The following CNGB1 variants were observed in gnomAD, a reference collection of about 807,000 sequenced individuals.
CNGB1 encodes the protein cyclic nucleotide-gated channel beta-1.
CNGB1 carries 126 observed loss-of-function variants against 151.7 expected under a neutral mutation model. The observed-to-expected ratio is 0.83, with a 90% CI of 0.72 to 0.96. The LOEUF (loss-of-function observed/expected upper bound fraction) is 0.96, where lower values mean the gene tolerates loss of function less well. Ranked by LOEUF, CNGB1 falls within the 40% of genes least tolerant of loss-of-function variation. CNGB1 has a pLI of 0.00. For missense variants in CNGB1, 1,698 were observed against 1,627.0 expected, an observed-to-expected ratio of 1.04 and a Z score of -0.75; for synonymous variants, 623 against 635.1, an observed-to-expected ratio of 0.98 and a Z score of 0.29.
chr16:57,928,922 AGC>A (rs1226941284), intron 17 of CNGB1, among the ~76,000 whole-genome samples: 1 of 152,218 alleles, frequency 6.6e-6, no homozygotes. Context: ...TACAGGCATG[AGC>A]CACTATGCCC....
intron 31 of CNGB1, among the ~76,000 whole-genome samples, chr16:57,888,449 C>CTCTCTG (rs1355318429): frequency 4.7e-5 from 7 of 149,724 alleles, no homozygotes; most frequent in African/African-American, 5.0e-5. Flanking sequence ...CTTCCTCTCT[C>CTCTCTG]TCTCTGTCTC....
chr16:57,901,771 C>G lies in CNGB1; in HGVS notation c.2795-146G>C, dbSNP rs1459586740. ...ACTCTGGATTTGTAGTGCACCCTCT[C>G]TCACCTCCAGGCATTTGCCAATACC... On this transcript the variant is annotated intron_variant, in intron 27 of 32. Transcript: ENST00000251102. 1.5e-5 allele frequency: 11 copies of G among 716,334 alleles called. No homozygotes were observed. In the African/African-American group the frequency reaches 1.6e-4, roughly 10 times the overall value. 44.4% of individuals were successfully genotyped at this position (716,334 alleles called of 1,614,324 possible).
chr16:57,889,304 C>T (rs774897221), intron 31 of CNGB1, among the ~76,000 whole-genome samples: 4 of 152,186 alleles, frequency 2.6e-5, no homozygotes, highest in Non-Finnish European at 5.9e-5. Flanking sequence ...TGCCTGGCCT[C>T]CCTTGATGAC....
At chr16:57,908,893 C>A (rs1302666635) in intron 25 of CNGB1, among the ~76,000 whole-genome samples, 1 of 152,244 alleles carries the variant, frequency 6.6e-6, no homozygotes, top group African/African-American at 2.4e-5. Flanking sequence ...TGCACTCTTC[C>A]ATCAGCACGA....
intron 7 of CNGB1, 89 bp downstream of exon 7, chr16:57,962,476 G>T: frequency 8.6e-7 from 1 of 1,165,636 alleles, no homozygotes; most frequent in East Asian, 2.3e-5. Flanking sequence ...ACACCCTGAG[G>T]TGGTAACAGA....
Position 57,897,853 on chromosome 16 carries a change from G to C in CNGB1, c.3038C>G (p.Pro1013Arg). The C allele has an allele frequency of 1.2e-6, 2 of 1,614,202 alleles. No individual in the cohort carries two copies. Among genetic ancestry groups the C allele is most frequent in the Non-Finnish European group, 1.7e-6 (2 of 1,180,038 alleles). The change falls in exon 30 of 33, where the codon CCT (proline) becomes CGT (arginine). Residue 1013 changes from proline (P) to arginine (R), a missense_variant. Pro to Arg is a moderately radical substitution (Grantham distance 103). Coordinates refer to ENST00000251102, the MANE Select transcript of CNGB1 (RefSeq NM_001297.5). ...QAGQVQVLGG[P>R]DGKSVLVTLK... The stretch of plus-strand genomic sequence containing the variant: ...CGTCACCAGCACAGATTTCCCATCA[G>C]GGCCGCCCAAGACCTGCACTTGCCC...
intron 1 of CNGB1, among the ~76,000 whole-genome samples, chr16:57,968,884 A>T (rs1962464791): frequency 6.9e-6 from 1 of 144,594 alleles, no homozygotes; most frequent in Non-Finnish European, 1.5e-5. Context: ...AAAAAAAAAA[A>T]GCCTGTTATG....
chr16:57,921,744 G>C (rs1203196692), intron 18 of CNGB1, among the ~76,000 whole-genome samples: 2 of 152,198 alleles, frequency 1.3e-5, no homozygotes, highest in Non-Finnish European at 2.9e-5. Flanking sequence ...CTTTCTAGTG[G>C]TGACCAGTGG....
At chr16:57,923,831 C>T (rs1428486929) in intron 17 of CNGB1, among the ~76,000 whole-genome samples, 1 of 152,190 alleles carries the variant, frequency 6.6e-6, no homozygotes, top group Non-Finnish European at 1.5e-5. Context: ...CCCCTCTACT[C>T]TCTATCACAC....
In CNGB1 at chr16:57,962,572, C is replaced by G. The variant is rs761126116; in HGVS notation, c.451G>C (p.Asp151His). ...TCAGGGATAGGGACTCACCTAGTGT[C>G]TTGGGCCTCAAGGGCCTCATTGGGT... ...DEPNEALEAQDTRPGLRLLLW... is the reference protein window; with the variant it reads ...DEPNEALEAQHTRPGLRLLLW... The change falls in exon 7 of 33, where the codon GAC becomes CAC. Residue 151 changes from aspartate (D) to histidine (H), a missense_variant. Coordinates refer to ENST00000251102, the MANE Select transcript of CNGB1 (RefSeq NM_001297.5). The G allele has an allele frequency of 2.5e-6, 4 of 1,613,862 alleles. No homozygotes were observed. The highest frequency in any genetic ancestry group is 1.3e-5 in the African/African-American group (1 of 74,916).
chr16:57,923,983 A>G (rs1961118444), intron 17 of CNGB1, among the ~76,000 whole-genome samples: 1 of 152,172 alleles, frequency 6.6e-6, no homozygotes, highest in Non-Finnish European at 1.5e-5. Context: ...TCCATCAGTC[A>G]GGAAGTCCAA....
chr16:57,960,800 C>G lies in CNGB1; in HGVS notation c.534+40G>C. On this transcript the variant is annotated intron_variant, in intron 8 of 32. Coordinates refer to ENST00000251102, the MANE Select transcript of CNGB1 (RefSeq NM_001297.5). Reference sequence around the variant, plus strand: ...CCCTCCTGGGGCCCCAGAAGCCCCCCCATATACTCAACTCCCTGCCTCTCC... The same window carrying G: ...CCCTCCTGGGGCCCCAGAAGCCCCCGCATATACTCAACTCCCTGCCTCTCC... 2.5e-6 allele frequency: 4 copies of G among 1,599,828 alleles called. No homozygotes were observed. In the South Asian group the frequency reaches 4.5e-5, roughly 18 times the overall value.
intron 12 of CNGB1, among the ~76,000 whole-genome samples, chr16:57,953,505 A>AG (rs1266793340): frequency 6.6e-6 from 1 of 151,232 alleles, no homozygotes; most frequent in Non-Finnish European, 1.5e-5. Flanking sequence ...AAAAAAAAAA[A>AG]AAAAAAAGAA....
intron 14 of CNGB1, among the ~76,000 whole-genome samples, chr16:57,941,135 A>G (rs1327444727): frequency 1.1e-4 from 17 of 152,208 alleles, no homozygotes; most frequent in African/African-American, 3.9e-4. Flanking sequence ...CTTTATTAAT[A>G]TGTAGTAGCC....
chr16:57,900,384 G>T (rs1388277566), intron 29 of CNGB1, among the ~76,000 whole-genome samples: 1 of 152,214 alleles, frequency 6.6e-6, no homozygotes, highest in Non-Finnish European at 1.5e-5. Context: ...GGGTTCCCAA[G>T]TCTTGCAGAG....
At chr16:57,904,032 G>T in intron 26 of CNGB1, 51 bp from the exon 27 acceptor site, 1 of 1,570,948 alleles carries the variant, frequency 6.4e-7, no homozygotes, top group Non-Finnish European at 8.7e-7. Context: ...CATTGGGGGT[G>T]GGCGCTATTC....
chr16:57,886,601 C>T (rs535206943), intron 32 of CNGB1, among the ~76,000 whole-genome samples: 2 of 152,202 alleles, frequency 1.3e-5, no homozygotes, highest in Non-Finnish European at 2.9e-5. Context: ...ACTCTGACAC[C>T]AGGCTGGATT....
intron 23 of CNGB1, among the ~76,000 whole-genome samples, chr16:57,913,768 G>A (rs1960793960): frequency 6.6e-6 from 1 of 152,120 alleles, no homozygotes; most frequent in South Asian, 2.1e-4. Context: ...AGCATGAGCC[G>A]CCACACCCAG....
intron 21 of CNGB1, among the ~76,000 whole-genome samples, chr16:57,916,774 C>A (rs1960877643): frequency 6.6e-6 from 1 of 152,104 alleles, no homozygotes; most frequent in Admixed American, 6.6e-5. Context: ...CTCAAATTGG[C>A]CCAAGTAGGA....
Sources: allele counts gnomAD v4.1 joint callset (sites outside exome capture counted in the v4.1 genomes callset), GRCh38; gene constraint gnomAD v4.1.1; transcripts MANE v1.5; gene names NCBI Gene and HGNC (gene_info 2026-07-23, HGNC 2026-07-21).